ATP13A4: variants seen among roughly 807,000 people sequenced by gnomAD.
ATP13A4 encodes the protein probable cation-transporting ATPase 13A4.
Under a neutral mutation model 142.5 loss-of-function variants are expected in ATP13A4, and 114 were observed. The ratio of observed to expected loss-of-function variants is 0.80; its 90% CI spans 0.69 to 0.93. The LOEUF is 0.93. ATP13A4 is among the 40% of genes least tolerant of loss of function. The probability of loss-of-function intolerance (pLI) is 0.00; values close to 1 mark genes in which losing one functional copy is unlikely to be tolerated. For synonymous variants in ATP13A4, 488 were observed against 514.8 expected (o/e 0.95, Z 0.70); for missense variants, 1,392 against 1,454.0 (o/e 0.96, Z 0.69).
chr3:193,407,284 G>T, intron 29 of ATP13A4, 29 bp downstream of exon 29: 1 of 1,574,886 alleles, frequency 6.3e-7, no homozygotes, highest in Non-Finnish European at 8.7e-7. Context: ...ACACACACAA[G>T]ATCAGCAGCC....
chr3:193,578,307 CTA>C (rs1016359945), intron 2 of ATP13A4, among the ~76,000 whole-genome samples: 20 of 128,982 alleles, frequency 1.6e-4, no homozygotes, highest in African/African-American at 6.5e-4. Context: ...ATATCTATAT[CTA>C]TATCTATATC....
chr3:193,457,863 A>G (rs1262219178), intron 14 of ATP13A4, among the ~76,000 whole-genome samples: 3 of 152,066 alleles, frequency 2.0e-5, no homozygotes, highest in South Asian at 2.1e-4. Flanking sequence ...ATGTGTGTCT[A>G]ATTTGGATGG....
intron 1 of ATP13A4, among the ~76,000 whole-genome samples, chr3:193,552,922 A>G (rs1723663100): frequency 6.6e-6 from 1 of 152,212 alleles, no homozygotes; most frequent in Non-Finnish European, 1.5e-5. Flanking sequence ...TCACTACAAA[A>G]TATGTAGACT....
chr3:193,423,310 T>C (rs1336428539), intron 25 of ATP13A4, among the ~76,000 whole-genome samples: 1 of 149,606 alleles, frequency 6.7e-6, no homozygotes, highest in Non-Finnish European at 1.5e-5. Context: ...ATCGATTCTA[T>C]TCAAACTATC....
chr3:193,585,746 G>A (rs13064790), intron 1 of ATP13A4, among the ~76,000 whole-genome samples: 65,384 of 151,698 alleles, frequency 0.43, 14,309 homozygotes, highest in Non-Finnish European at 0.44. Context: ...ACTGCTGCAC[G>A]TTTCATTTGG....
At chr3:193,548,670 G>C (rs680211) in intron 1 of ATP13A4, among the ~76,000 whole-genome samples, 75,872 of 151,854 alleles carry the variant, frequency 0.5, 19,059 homozygotes, top group South Asian at 0.59. Context: ...TTTTGCTCCC[G>C]GGTGTTAGAG....
rs749783809 is a variant in ATP13A4 at position 193,467,363 on chromosome 3, G to C, written c.1067C>G (p.Ala356Gly). ...CACGGTCCCAGAGCAAGCTGCCTTG[G>C]CCTGGATAACCTCTGTTCCACAGAA... ...VLFCGTEVIQ[A>G]KAACSGTVRA... is the part of the protein sequence containing the mutation. The change falls in exon 10 of 30, where the codon GCC becomes GGC. Residue 356 changes from alanine to glycine, a missense_variant. Transcript: ENST00000342695. 1 of 1,614,144 alleles carries C rather than the reference G, an allele frequency of 6.2e-7. No homozygotes were observed. Among genetic ancestry groups the C allele is most frequent in the Non-Finnish European group, 8.5e-7 (1 of 1,180,020 alleles).
At position 193,484,006 on chromosome 3, in the gene ATP13A4, C is replaced by A. The variant is rs1719460160; in HGVS notation, c.739-1G>T. 1 of 1,606,274 alleles carries A rather than the reference C, an allele frequency of 6.2e-7. No individual in the cohort carries two copies. The highest frequency in any genetic ancestry group is 1.3e-5 in the African/African-American group (1 of 74,778). On this transcript the variant is annotated splice_acceptor_variant, in intron 7 of 29. Coordinates refer to ENST00000342695, the MANE Select transcript of ATP13A4 (RefSeq NM_032279.4). LOFTEE classifies it high-confidence loss of function. ...CGAGATGGTGGAGTTTTACAGATTG[C>A]TGAAAAAGAAGGAAAAATGGAAAAG...
intron 2 of ATP13A4, among the ~76,000 whole-genome samples, chr3:193,581,501 T>C (rs1003873563): frequency 2.6e-5 from 4 of 152,172 alleles, no homozygotes; most frequent in East Asian, 1.9e-4. Flanking sequence ...ACCATACAAA[T>C]GCAATGGACG....
Position 193,514,870 on chromosome 3 carries a change from T to C in ATP13A4, c.62A>G (p.Glu21Gly). ...GCCTTGAGTCCGATAGCCAAATATC[T>C]CCTGGGACAGAATCAAAATGATACC... ...LLNEGEENEM[E>G]IFGYRTQGCR... Residue 21 changes from glutamate to glycine, a missense_variant and splice_region_variant, in exon 2 of 30, where the codon GAG (glutamate) becomes GGG (glycine). Physicochemically the swap from Glu to Gly is moderately conservative, Grantham distance 98 (BLOSUM62 -2). Coordinates refer to ENST00000342695, the MANE Select transcript of ATP13A4 (RefSeq NM_032279.4). The C allele has an allele frequency of 6.2e-7, 1 of 1,613,880 alleles. No homozygotes were observed. Among genetic ancestry groups the C allele is most frequent in the Non-Finnish European group, 8.5e-7 (1 of 1,179,838 alleles).
rs1379723940 is a variant in ATP13A4, at chr3:193,582,702, TATAATATATATGTATATTACATATATAA to T, written n.92-824_92-797del. 3.1e-5 allele frequency among the ~76,000 whole-genome samples: 2 copies of T among 64,450 alleles called. 1 individual carries two copies. The highest frequency in any genetic ancestry group is 5.3e-5 in the Non-Finnish European group (2 of 37,672). 42.3% of individuals were successfully genotyped at this position (64,450 alleles called of 152,430 possible). A position where few individuals can be genotyped will look rare whatever the true frequency, so the allele number is the denominator to read the frequency against. On this transcript the variant is annotated intron_variant and non_coding_transcript_variant, in intron 1 of 3. Transcript: ENST00000489140. ...ATATATTATATATGTGTATAACATA[TATAATATATATGTATATTACATATATAA>T]AATATATATGTATAATACATATATA...
intron 6 of ATP13A4, among the ~76,000 whole-genome samples, chr3:193,490,863 G>T (rs1719905444): frequency 6.6e-6 from 1 of 152,100 alleles, no homozygotes. Context: ...AAACAATGAT[G>T]AGCTCAGTGA....
At chr3:193,408,879 G>A (rs536668917) in intron 28 of ATP13A4, among the ~76,000 whole-genome samples, 8 of 152,018 alleles carry the variant, frequency 5.3e-5, no homozygotes, top group South Asian at 2.1e-4. Flanking sequence ...CCCCTACCCC[G>A]AGAATTTCCT....
intron 2 of ATP13A4, among the ~76,000 whole-genome samples, chr3:193,511,907 A>G (rs1365649470): frequency 2.0e-5 from 3 of 151,950 alleles, no homozygotes; most frequent in Non-Finnish European, 4.4e-5. Context: ...ATTTAGTGAC[A>G]CTCTTTTTTA....
chr3:193,439,162 A>G (rs1716476164), intron 21 of ATP13A4, 97 bp from the exon 22 acceptor site: 1 of 1,284,200 alleles, frequency 7.8e-7, no homozygotes, highest in African/African-American at 1.5e-5. Flanking sequence ...TTAGGGTTCA[A>G]ACTCATTATT....
chr3:193,526,062 TGCTTGCTAGGCCTG>T (rs1721985202), intron 1 of ATP13A4, among the ~76,000 whole-genome samples: 1 of 152,204 alleles, frequency 6.6e-6, no homozygotes, highest in African/African-American at 2.4e-5. Flanking sequence ...ATATGCATAC[TGCTTGCTAGGCCTG>T]GCTTGCTAGG....
intron 1 of ATP13A4, chr3:193,553,340 T>C (rs1577077130): frequency 6.6e-6 from 1 of 152,188 alleles, no homozygotes; most frequent in South Asian, 2.1e-4. Context: ...ATGATTCTTA[T>C]TGAGACTTGA....
chr3:193,582,338 G>A (rs1490512299), intron 1 of ATP13A4, among the ~76,000 whole-genome samples: 2 of 148,858 alleles, frequency 1.3e-5, no homozygotes, highest in Non-Finnish European at 3.0e-5. Context: ...TAGTAGAGAT[G>A]GGGTTTTACC....
At chr3:193,468,087 G>A (rs1163726227) in intron 9 of ATP13A4, among the ~76,000 whole-genome samples, 4 of 152,184 alleles carry the variant, frequency 2.6e-5, no homozygotes, top group African/African-American at 9.7e-5. Context: ...GCTGAGGCAG[G>A]AGACTCGCTT....
Sources: gnomAD v4.1 joint callset for allele counts (sites outside exome capture counted in the v4.1 genomes callset) on GRCh38, gnomAD v4.1.1 for gene constraint, MANE v1.5 for transcripts, NCBI Gene and HGNC (gene_info 2026-07-23, HGNC 2026-07-21) for gene names.